Variants in ODAD2 observed in about 807,000 individuals in gnomAD.
The protein encoded by ODAD2 is outer dynein arm-docking complex subunit 2.
A neutral mutation model predicts 106.8 loss-of-function variants in ODAD2; 89 were observed. The observed-to-expected ratio is 0.83, with a 90% CI of 0.70 to 0.99. The LOEUF (loss-of-function observed/expected upper bound fraction) is 0.99, where lower values mean the gene tolerates loss of function less well. ODAD2 is among the 50% of genes least tolerant of loss of function. The pLI, the probability that ODAD2 is intolerant of heterozygous loss-of-function variation, is 0.00. For synonymous variants in ODAD2, 404 were observed against 436.2 expected (o/e 0.93, Z 0.92); for missense variants, 1,168 against 1,238.5 (o/e 0.94, Z 0.85).
At chr10:27,873,025 A>T (rs1267196489) in intron 17 of ODAD2, among the ~76,000 whole-genome samples, 2 of 150,794 alleles carry the variant, frequency 1.3e-5, no homozygotes, top group Non-Finnish European at 3.0e-5. Flanking sequence ...TTGTTGCCTC[A>T]ATTTCAGAGC....
intron 19 of ODAD2, among the ~76,000 whole-genome samples, chr10:27,822,027 G>A (rs1836654706): frequency 6.6e-6 from 1 of 152,126 alleles, no homozygotes; most frequent in South Asian, 2.1e-4. Context: ...TTACAACACT[G>A]GAGTGAACAA....
At chr10:27,915,893 C>G (rs930830922) in intron 16 of ODAD2, among the ~76,000 whole-genome samples, 1 of 152,126 alleles carries the variant, frequency 6.6e-6, no homozygotes, top group Non-Finnish European at 1.5e-5. Context: ...AAACTGTTCA[C>G]ATTTGTTCAT....
In ODAD2 at chr10:27,981,546, T is replaced by C; in HGVS notation, c.856A>G (p.Arg286Gly). The C allele has an allele frequency of 6.5e-7, 1 of 1,542,084 alleles. No homozygotes were observed. Among genetic ancestry groups the C allele is most frequent in the East Asian group, 2.5e-5 (1 of 40,578 alleles). ...TDDEGDVNYE[R>G]KGSIYKNLVT... is the part of the protein sequence containing the mutation. ...AGGTTTTTATAAATTGAACCTTTTC[T>C]CTCATAATTAACGTCCCCTTCATCA... The change falls in exon 7 of 20, where the codon AGA (arginine) becomes GGA (glycine). Residue 286 changes from arginine (R) to glycine (G), a missense_variant. This residue lies in a region of ODAD2 where 430 missense variants were observed against 452.2 expected (regional missense o/e 0.95). Coordinates refer to ENST00000305242, the MANE Select transcript of ODAD2 (RefSeq NM_018076.5).
chr10:27,885,515 A>C (rs1174023562), intron 17 of ODAD2, among the ~76,000 whole-genome samples: 1 of 5,780 alleles, frequency 1.7e-4, no homozygotes, highest in Non-Finnish European at 3.7e-4. Flanking sequence ...ATCTCAAAAA[A>C]AAAAAAAAAA....
rs571426315 is a variant in ODAD2, at chr10:27,906,962, T to C, written c.2610+701A>G. Among the ~76,000 whole-genome samples, 8 of 152,166 alleles carry C rather than the reference T, an allele frequency of 5.3e-5. No homozygotes were observed. In the South Asian group the frequency reaches 8.3e-4, roughly 16 times the overall value. ...AGCCACCATGGCATGTGTATACCTA[T>C]GTAACAAACCTGCACGTTCTGCACA... On this transcript the variant is annotated intron_variant, in intron 17 of 19. Coordinates refer to ENST00000305242, the MANE Select transcript of ODAD2 (RefSeq NM_018076.5).
At chr10:27,862,001 C>T (rs547084825) in intron 18 of ODAD2, among the ~76,000 whole-genome samples, 44 of 152,300 alleles carry the variant, frequency 2.9e-4, no homozygotes, top group African/African-American at 9.4e-4. Context: ...TCTGGATAAA[C>T]AATGAAATGA....
chr10:27,881,713 A>G (rs1841721788), intron 17 of ODAD2, among the ~76,000 whole-genome samples: 2 of 152,200 alleles, frequency 1.3e-5, no homozygotes, highest in African/African-American at 4.8e-5. Flanking sequence ...TGTTTATATA[A>G]CTAAAACCAC....
intron 7 of ODAD2, among the ~76,000 whole-genome samples, chr10:27,981,215 A>T (rs1849520575): frequency 6.6e-6 from 1 of 152,172 alleles, no homozygotes; most frequent in African/African-American, 2.4e-5. Context: ...TTCAAGTTCG[A>T]GAGACGAAAA....
At chr10:27,990,770 A>G (rs974921062) in intron 2 of ODAD2, among the ~76,000 whole-genome samples, 1 of 152,190 alleles carries the variant, frequency 6.6e-6, no homozygotes, top group Admixed American at 6.5e-5. Context: ...TTGTGTGTGA[A>G]TTGTGCATTC....
intron 17 of ODAD2, among the ~76,000 whole-genome samples, chr10:27,869,716 G>T (rs942550105): frequency 6.6e-6 from 1 of 151,830 alleles, no homozygotes; most frequent in African/African-American, 2.4e-5. Context: ...TGTATTTTTA[G>T]TAGTGACAGG....
At chr10:27,902,953 C>G (rs1049419655) in intron 17 of ODAD2, among the ~76,000 whole-genome samples, 3 of 152,148 alleles carry the variant, frequency 2.0e-5, no homozygotes, top group African/African-American at 7.2e-5. Flanking sequence ...TTTTATGAGA[C>G]CAGCATCATC....
At chr10:27,954,618 G>A (rs1229384880) in intron 10 of ODAD2, among the ~76,000 whole-genome samples, 1 of 152,190 alleles carries the variant, frequency 6.6e-6, no homozygotes, top group Non-Finnish European at 1.5e-5. Context: ...GCTAGCTAGT[G>A]GTCGCATAAA....
chr10:27,836,926 C>T (rs1345811446), intron 19 of ODAD2, among the ~76,000 whole-genome samples: 1 of 152,144 alleles, frequency 6.6e-6, no homozygotes, highest in South Asian at 2.1e-4. Context: ...CAGTTCACGA[C>T]TAAGCCTCAA....
At chr10:27,865,430 C>T (rs956290176) in intron 17 of ODAD2, among the ~76,000 whole-genome samples, 2 of 152,196 alleles carry the variant, frequency 1.3e-5, no homozygotes, top group African/African-American at 4.8e-5. Flanking sequence ...TTCCTGTTAG[C>T]TTGGGAATTC....
chr10:27,864,586 T>G (rs2065687), intron 17 of ODAD2, among the ~76,000 whole-genome samples: 2 of 136,642 alleles, frequency 1.5e-5, no homozygotes, highest in African/African-American at 2.8e-5. Flanking sequence ...GAATGGGGAG[T>G]GAGGTGAGAG....
chr10:27,957,426 A>T (rs1331002974), intron 10 of ODAD2: 1 of 152,226 alleles, frequency 6.6e-6, no homozygotes, highest in Non-Finnish European at 1.5e-5. Context: ...GAGATACAGC[A>T]ATAAATTTAA....
chr10:27,868,333 AT>A (rs1337317739), intron 17 of ODAD2, among the ~76,000 whole-genome samples: 2 of 152,212 alleles, frequency 1.3e-5, no homozygotes, highest in Non-Finnish European at 2.9e-5. Flanking sequence ...ACTTGGGTAT[AT>A]ACCCAAAGGA....
chr10:27,986,798 G>A (rs1413409855), intron 3 of ODAD2, among the ~76,000 whole-genome samples: 1 of 151,576 alleles, frequency 6.6e-6, no homozygotes, highest in Non-Finnish European at 1.5e-5. Flanking sequence ...ATGATAGTGT[G>A]AACATCACAT....
intron 10 of ODAD2, among the ~76,000 whole-genome samples, chr10:27,950,893 T>A (rs554283727): frequency 6.6e-6 from 1 of 152,284 alleles, no homozygotes; most frequent in Admixed American, 6.5e-5. Context: ...GCTGAATAAT[T>A]ATGATAATTA....
Sources: allele counts gnomAD v4.1 joint callset (sites outside exome capture counted in the v4.1 genomes callset), GRCh38; gene constraint gnomAD v4.1.1; regional missense constraint gnomAD v4.1.1; transcripts MANE v1.5; gene names NCBI Gene and HGNC (gene_info 2026-07-23, HGNC 2026-07-21).